LCLAT1: variants seen among roughly 807,000 people sequenced by gnomAD.
LCLAT1 encodes the protein 1-AGP acyltransferase 8.
Under a neutral mutation model 30.7 loss-of-function variants are expected in LCLAT1, and 11 were observed. The observed-to-expected ratio is 0.36, with a 90% CI of 0.23 to 0.59. The LOEUF (loss-of-function observed/expected upper bound fraction) is 0.59. Among genes scored for constraint, LCLAT1 ranks in the 20% least tolerant of loss-of-function variants. The pLI, the probability that LCLAT1 is intolerant of heterozygous loss-of-function variation, is 0.77. For synonymous variants in LCLAT1, 155 were observed against 151.3 expected (o/e 1.02, Z -0.18); for missense variants, 402 against 458.6 (o/e 0.88, Z 1.13).
intron 1 of LCLAT1, among the ~76,000 whole-genome samples, chr2:30,460,134 G>A (rs1264483469): frequency 6.6e-6 from 1 of 152,144 alleles, no homozygotes; most frequent in African/African-American, 2.4e-5. Flanking sequence ...CCATTAGCTA[G>A]TATCCTCCTT....
chr2:30,571,609 C>T (rs1178559812), intron 5 of LCLAT1, among the ~76,000 whole-genome samples: 1 of 152,164 alleles, frequency 6.6e-6, no homozygotes, highest in Non-Finnish European at 1.5e-5. Flanking sequence ...TAATAGTAAG[C>T]CTCTCCCAGG....
At chr2:30,576,509 A>G (rs969837747) in intron 5 of LCLAT1, among the ~76,000 whole-genome samples, 1 of 152,128 alleles carries the variant, frequency 6.6e-6, no homozygotes, top group Non-Finnish European at 1.5e-5. Flanking sequence ...AAATGTATGT[A>G]ACAATATACT....
intron 4 of LCLAT1, among the ~76,000 whole-genome samples, chr2:30,567,737 G>C (rs1665558898): frequency 6.6e-6 from 1 of 152,136 alleles, no homozygotes. Context: ...TAAAACTTAA[G>C]ATGGGACTTT....
intron 5 of LCLAT1, among the ~76,000 whole-genome samples, chr2:30,639,622 T>C (rs1307182678): frequency 3.3e-5 from 5 of 152,156 alleles, no homozygotes; most frequent in African/African-American, 1.2e-4. Flanking sequence ...AAAAAGTATA[T>C]GGTAGTTTTC....
intron 3 of LCLAT1, among the ~76,000 whole-genome samples, chr2:30,534,550 C>T (rs1291092686): frequency 6.6e-6 from 1 of 152,188 alleles, no homozygotes; most frequent in East Asian, 1.9e-4. Flanking sequence ...AGTGCTGGAA[C>T]AGGCGTGAGC....
chr2:30,643,913 T>TGAGC lies in LCLAT1; in HGVS notation c.*3295_*3298dup, dbSNP rs1669437741. The TGAGC allele has an allele frequency of 6.6e-6, 1 of 152,558 alleles. No individual in the cohort carries two copies. The highest frequency in any genetic ancestry group is 2.4e-5 in the African/African-American group (1 of 41,434). 9.5% of individuals were successfully genotyped at this position (152,558 alleles called of 1,614,324 possible). ...TAAACACTACTCTAACGTGGAGAAA[T>TGAGC]GAGCTTCATGCTGAGGTAGTGGTTG... is the stretch of plus-strand genomic sequence containing the variant. On this transcript the variant is annotated 3_prime_UTR_variant, in exon 6 of 6. Transcript: ENST00000379509.
At chr2:30,485,522 C>T (rs571846054) in intron 1 of LCLAT1, among the ~76,000 whole-genome samples, 15 of 152,100 alleles carry the variant, frequency 9.9e-5, no homozygotes, top group East Asian at 7.7e-4. Context: ...CTTAAATTCA[C>T]GTTTCCATTG....
chr2:30,606,000 C>G, intron 5 of LCLAT1: 1 of 1,291,990 alleles, frequency 7.7e-7, no homozygotes. Context: ...TCCCCACTCC[C>G]CACTCTGTTG....
intron 1 of LCLAT1, among the ~76,000 whole-genome samples, chr2:30,480,486 C>T (rs754167701): frequency 9.9e-5 from 15 of 152,134 alleles, no homozygotes; most frequent in Non-Finnish European, 1.5e-4. Context: ...TGAGCCACTG[C>T]GCCTGGCCTA....
chr2:30,477,650 T>A (rs952821319), intron 1 of LCLAT1, among the ~76,000 whole-genome samples: 3 of 152,178 alleles, frequency 2.0e-5, no homozygotes, highest in African/African-American at 7.2e-5. Flanking sequence ...TATCAACATA[T>A]CACTTTATCT....
At chr2:30,493,422 A>G (rs948043651) in intron 1 of LCLAT1, among the ~76,000 whole-genome samples, 1 of 152,248 alleles carries the variant, frequency 6.6e-6, no homozygotes, top group Non-Finnish European at 1.5e-5. Context: ...ATTTCTACAA[A>G]GTCATTTTAT....
At chr2:30,508,013 G>A (rs1350254764) in intron 1 of LCLAT1, among the ~76,000 whole-genome samples, 3 of 152,040 alleles carry the variant, frequency 2.0e-5, no homozygotes, top group Non-Finnish European at 2.9e-5. Context: ...ATCTAATTGT[G>A]GTTTTGATTT....
chr2:30,451,611 A>G (rs1424782011), intron 1 of LCLAT1, among the ~76,000 whole-genome samples: 1 of 126,482 alleles, frequency 7.9e-6, no homozygotes, highest in Non-Finnish European at 1.8e-5. Flanking sequence ...TGATATATTT[A>G]TAAGATGGAA....
intron 1 of LCLAT1, among the ~76,000 whole-genome samples, chr2:30,462,014 C>T (rs947924940): frequency 2.6e-5 from 4 of 151,842 alleles, no homozygotes; most frequent in East Asian, 1.9e-4. Flanking sequence ...CCTCGTGATC[C>T]GCCCGCCTCG....
chr2:30,632,117 T>A lies in LCLAT1; in HGVS notation c.629-8000T>A, dbSNP rs556268223. Among the ~76,000 whole-genome samples, 19 of 152,252 alleles carry A rather than the reference T, an allele frequency of 1.2e-4. No individual in the cohort carries two copies. In the South Asian group the frequency reaches 3.7e-3, roughly 30 times the overall value. ...TAGGATAGAAATGTGAAAATAGGTGTCTCTAAAAATATGTGTAAAGAATCA... is the reference window on the plus strand; with the variant it reads ...TAGGATAGAAATGTGAAAATAGGTGACTCTAAAAATATGTGTAAAGAATCA... On this transcript the variant is annotated intron_variant, in intron 5 of 5. Coordinates refer to ENST00000379509, the MANE Select transcript of LCLAT1 (RefSeq NM_001002257.3).
intron 3 of LCLAT1, among the ~76,000 whole-genome samples, chr2:30,535,423 G>T (rs992113940): frequency 6.6e-6 from 1 of 152,096 alleles, no homozygotes; most frequent in African/African-American, 2.4e-5. Flanking sequence ...GTGTGCATAC[G>T]TGTGTTCACC....
At chr2:30,639,440 A>C (rs1006489334) in intron 5 of LCLAT1, among the ~76,000 whole-genome samples, 2 of 151,896 alleles carry the variant, frequency 1.3e-5, no homozygotes, top group Non-Finnish European at 2.9e-5. Context: ...ATACAGGATC[A>C]GGGTCTTACT....
At chr2:30,635,735 A>G (rs1309845310) in intron 5 of LCLAT1, among the ~76,000 whole-genome samples, 2 of 152,234 alleles carry the variant, frequency 1.3e-5, no homozygotes, top group African/African-American at 4.8e-5. Flanking sequence ...GTAGATGCTA[A>G]CATCCAAAAC....
At chr2:30,623,692 G>A (rs578033958) in intron 5 of LCLAT1, among the ~76,000 whole-genome samples, 1 of 152,280 alleles carries the variant, frequency 6.6e-6, no homozygotes, top group South Asian at 2.1e-4. Context: ...AACATTTGAG[G>A]GAATAATCAA....
Sources: gnomAD v4.1 joint callset for allele counts (sites outside exome capture counted in the v4.1 genomes callset) on GRCh38, gnomAD v4.1.1 for gene constraint, MANE v1.5 for transcripts, NCBI Gene and HGNC (gene_info 2026-07-23, HGNC 2026-07-21) for gene names.